PCDHA8: variants seen among roughly 807,000 people sequenced by gnomAD.
PCDHA8 encodes the protein protocadherin alpha 8, also known as protocadherin alpha-8.
Under a neutral mutation model 61.8 loss-of-function variants are expected in PCDHA8, and 53 were observed. The ratio of observed to expected loss-of-function variants is 0.86; its 90% confidence interval spans 0.69 to 1.08. The LOEUF (loss-of-function observed/expected upper bound fraction) is 1.08. Ranked by LOEUF, PCDHA8 falls within the 50% of genes least tolerant of loss-of-function variation. The probability of loss-of-function intolerance (pLI) is 0.00; values close to 1 mark genes in which losing one functional copy is unlikely to be tolerated. For missense variants in PCDHA8, 1,293 were observed against 1,245.0 expected (o/e 1.04, Z -0.58); for synonymous variants, 618 against 556.6 (o/e 1.11, Z -1.55).
chr5:141,004,346 G>C (rs2098162740), intron 3 of PCDHA8, among the ~76,000 whole-genome samples: 1 of 152,212 alleles, frequency 6.6e-6, no homozygotes, highest in Non-Finnish European at 1.5e-5. Context: ...GTCTGTGAGG[G>C]ACTGGAGAGA....
Position 140,967,000 on chromosome 5 carries a change from C to T in PCDHA8, c.2395-11949C>T, listed in dbSNP as rs544624379. The T allele has an allele frequency of 6.1e-5, 98 of 1,604,962 alleles. No individual in the cohort carries two copies. The East Asian group carries it at 2.1e-3, about 35-fold the overall frequency. ...GGCGCTTGGGGCCGGGTTGCTTGCG[C>T]ATCAACCATCTGGGTGCGCCCAGTC... On this transcript the variant is annotated intron_variant, in intron 1 of 3. Coordinates refer to ENST00000531613, the MANE Select transcript of PCDHA8 (RefSeq NM_018911.3).
At chr5:140,979,043 C>A (rs782371496) in intron 2 of PCDHA8, 36 bp downstream of exon 2, 2 of 1,612,500 alleles carry the variant, frequency 1.2e-6, no homozygotes, top group Non-Finnish European at 1.7e-6. Context: ...CAGAAGTAAC[C>A]TTAACTTGGT....
chr5:140,928,989 A>C (rs1554206541), intron 1 of PCDHA8: 2 of 1,613,706 alleles, frequency 1.2e-6, no homozygotes, highest in Non-Finnish European at 1.7e-6. Flanking sequence ...TGGGGTGCTT[A>C]CTTTTCTTCG....
At chr5:140,867,423 A>G (rs1399312852) in intron 1 of PCDHA8, 14 of 152,182 alleles carry the variant, frequency 9.2e-5, no homozygotes, top group African/African-American at 3.4e-4. Flanking sequence ...TTTTTAATAC[A>G]GAATTTTGCA....
At chr5:140,951,560 C>T (rs2094602519) in intron 1 of PCDHA8, among the ~76,000 whole-genome samples, 1 of 151,998 alleles carries the variant, frequency 6.6e-6, no homozygotes. Flanking sequence ...AAGTGCTACG[C>T]ACTTTTAAAC....
intron 1 of PCDHA8, among the ~76,000 whole-genome samples, chr5:140,898,613 T>A (rs561301118): frequency 6.6e-6 from 1 of 152,346 alleles, no homozygotes; most frequent in South Asian, 2.1e-4. Flanking sequence ...TAGTTTGAAG[T>A]CAGGTAGCAT....
At chr5:140,877,082 C>A in intron 1 of PCDHA8, 1 of 1,613,120 alleles carries the variant, frequency 6.2e-7, no homozygotes, top group African/African-American at 1.3e-5. Flanking sequence ...CAGGTGAGCG[C>A]GCGCGACGCC....
At chr5:140,853,589 C>T (rs1053953271) in intron 1 of PCDHA8, 2 of 986,246 alleles carry the variant, frequency 2.0e-6, no homozygotes, top group Non-Finnish European at 1.2e-6. Context: ...ATCTTAGACA[C>T]TTTGAGAGCA....
intron 1 of PCDHA8, chr5:140,883,358 C>A (rs1554177826): frequency 6.2e-7 from 1 of 1,614,192 alleles, no homozygotes; most frequent in South Asian, 1.1e-5. Context: ...AGAAGACACT[C>A]AGCCTAGCGC....
At chr5:140,941,603 T>C (rs116946105) in intron 1 of PCDHA8, among the ~76,000 whole-genome samples, 1 of 152,024 alleles carries the variant, frequency 6.6e-6, no homozygotes, top group East Asian at 1.9e-4. Flanking sequence ...CCATGAGCCA[T>C]GGTGCCCAGC....
chr5:140,966,888 C>A, intron 1 of PCDHA8: 13 of 1,593,128 alleles, frequency 8.2e-6, no homozygotes, highest in Non-Finnish European at 1.1e-5. Context: ...GGCCCTGCGG[C>A]CTCCCAGCTG....
At chr5:140,877,096 G>T in intron 1 of PCDHA8, 3 of 1,613,378 alleles carry the variant, frequency 1.9e-6, no homozygotes, top group Non-Finnish European at 2.5e-6. Context: ...CGACGCCGGC[G>T]TGCCGCCTCT....
chr5:140,849,480 C>G (rs1554142971), intron 1 of PCDHA8: 1 of 1,590,328 alleles, frequency 6.3e-7, no homozygotes, highest in African/African-American at 1.4e-5. Context: ...AGGCTTCCCA[C>G]CCCTGGCTGG....
Position 140,982,348 on chromosome 5 carries a change from T to C in PCDHA8, c.2454-127T>C, listed in dbSNP as rs1253085859. 9 of 1,495,962 alleles carry C rather than the reference T, an allele frequency of 6.0e-6. No homozygotes were observed. The Admixed American group carries it at 1.7e-4, about 28-fold the overall frequency. 92.7% of individuals were successfully genotyped at this position (1,495,962 alleles called of 1,614,324 possible). On this transcript the variant is annotated intron_variant, in intron 2 of 3. Transcript: ENST00000531613. Reference sequence around the variant, plus strand: ...ACTGCTCAGCAGTAATTGCTTCAGTTCAAGCATGAGCAGAATGTGTTAGCT... The same window carrying C: ...ACTGCTCAGCAGTAATTGCTTCAGTCCAAGCATGAGCAGAATGTGTTAGCT...
intron 1 of PCDHA8, among the ~76,000 whole-genome samples, chr5:140,922,707 A>T (rs1282909188): frequency 4.6e-5 from 7 of 152,240 alleles, no homozygotes; most frequent in African/African-American, 1.4e-4. Context: ...TACAGTCAAG[A>T]ACAAAAAGAA....
intron 1 of PCDHA8, among the ~76,000 whole-genome samples, chr5:140,898,029 TG>T (rs1583292931): frequency 6.6e-6 from 1 of 152,188 alleles, no homozygotes; most frequent in East Asian, 1.9e-4. Context: ...CACTTTTTGA[TG>T]GGGTTGTTTG....
Position 140,841,359 on chromosome 5 carries a change from G to T in PCDHA8, c.38G>T (p.Arg13Leu), listed in dbSNP as rs2150314214. 1.2e-5 allele frequency: 20 copies of T among 1,613,174 alleles called. No homozygotes were observed. Among genetic ancestry groups the T allele is most frequent in the Non-Finnish European group, 1.6e-5 (19 of 1,179,474 alleles). The change falls in exon 1 of 4, where the codon CGA (arginine) becomes CTA (leucine). Residue 13 changes from arginine (R) to leucine (L), a missense_variant. Arg to Leu is a moderately radical substitution (Grantham distance 102, BLOSUM62 -2). Transcript: ENST00000531613. Reference sequence around the variant, plus strand: ...TGGCGAGGAGAGCTGGGATCCTGGCGACTACTACTCTTGCTTCTGCTCCTC... The same window carrying T: ...TGGCGAGGAGAGCTGGGATCCTGGCTACTACTACTCTTGCTTCTGCTCCTC... ...YHWRGELGSW[R>L]LLLLLLLLAA...
In PCDHA8 at chr5:141,000,421, A is replaced by ATTTTT. The variant is rs34755515; in HGVS notation, c.2543-9187_2543-9183dup. Among the ~76,000 whole-genome samples, 110 of 27,976 alleles carry ATTTTT rather than the reference A, an allele frequency of 3.9e-3. 3 individuals carry two copies. Among genetic ancestry groups the ATTTTT allele is most frequent in the Non-Finnish European group, 5.0e-3 (89 of 17,656 alleles). The allele number at this position is 27,976 out of a possible 152,430, so 18.4% of individuals were successfully genotyped here. ...TATATATATATATATATATATATATATTTTTTTTTTTTTTTTTTTTTTTGA... is the reference window on the plus strand; with the variant it reads ...TATATATATATATATATATATATATATTTTTTTTTTTTTTTTTTTTTTTTTTTTGA... On this transcript the variant is annotated intron_variant, in intron 3 of 3. Coordinates refer to ENST00000531613, the MANE Select transcript of PCDHA8 (RefSeq NM_018911.3).
At chr5:140,943,529 A>T (rs1291911076) in intron 1 of PCDHA8, among the ~76,000 whole-genome samples, 1 of 152,220 alleles carries the variant, frequency 6.6e-6, no homozygotes, top group Non-Finnish European at 1.5e-5. Context: ...TCAGTATGCA[A>T]AATGTCATGT....
Sources: allele counts gnomAD v4.1 joint callset (sites outside exome capture counted in the v4.1 genomes callset), GRCh38; gene constraint gnomAD v4.1.1; transcripts MANE v1.5; gene names NCBI Gene and HGNC (gene_info 2026-07-23, HGNC 2026-07-21).